DEPDC1B: variants seen among roughly 807,000 people sequenced by gnomAD.
The protein encoded by DEPDC1B is DEP domain containing 1B.
A neutral mutation model predicts 66.5 loss-of-function variants in DEPDC1B; 51 were observed. The observed-to-expected ratio is 0.77, with a 90% CI of 0.61 to 0.97. The LOEUF is 0.97. Among genes scored for constraint, DEPDC1B ranks in the 50% least tolerant of loss-of-function variants. The pLI is 0.00. For missense variants in DEPDC1B, 552 were observed against 637.1 expected (o/e 0.87, Z 1.44); for synonymous variants, 226 against 223.6 (o/e 1.01, Z -0.10).
chr5:60,608,051 G>A (rs1752346469), intron 7 of DEPDC1B, among the ~76,000 whole-genome samples: 2 of 152,176 alleles, frequency 1.3e-5, no homozygotes, highest in African/African-American at 4.8e-5. Context: ...GATCTGAATT[G>A]CTTTTTACTG....
At chr5:60,638,693 A>G in intron 7 of DEPDC1B, 57 bp downstream of exon 7, 1 of 1,517,114 alleles carries the variant, frequency 6.6e-7, no homozygotes, top group African/African-American at 1.4e-5. Context: ...AAATAGTGAA[A>G]AATGAAACGA....
chr5:60,652,623 A>G (rs1312931636), intron 2 of DEPDC1B, among the ~76,000 whole-genome samples: 1 of 148,938 alleles, frequency 6.7e-6, no homozygotes, highest in African/African-American at 2.5e-5. Context: ...TATTATTTCA[A>G]TAAGTCTTGA....
chr5:60,605,563 TG>T, intron 8 of DEPDC1B, 126 bp downstream of exon 8: 2 of 982,456 alleles, frequency 2.0e-6, no homozygotes, highest in Non-Finnish European at 2.9e-6. Context: ...CAAGTCTGGG[TG>T]GACACTGACT....
intron 8 of DEPDC1B, among the ~76,000 whole-genome samples, chr5:60,604,503 G>A (rs1752271698): frequency 6.6e-6 from 1 of 151,974 alleles, no homozygotes; most frequent in Admixed American, 6.6e-5. Flanking sequence ...TTACAGGAGT[G>A]AGCCACCACG....
intron 1 of DEPDC1B, chr5:60,689,035 A>G: frequency 2.2e-6 from 1 of 456,308 alleles, no homozygotes; most frequent in Non-Finnish European, 4.4e-6. Flanking sequence ...CCACTTCAGG[A>G]TAACAGAATC....
At chr5:60,638,669 T>G in intron 7 of DEPDC1B, 81 bp downstream of exon 7, 1 of 1,416,074 alleles carries the variant, frequency 7.1e-7, no homozygotes, top group Non-Finnish European at 9.5e-7. Flanking sequence ...GAGTTTTGGC[T>G]AATGGAAGTC....
intron 2 of DEPDC1B, among the ~76,000 whole-genome samples, chr5:60,683,150 C>G (rs139477152): frequency 3.3e-4 from 51 of 152,270 alleles, no homozygotes; most frequent in African/African-American, 1.2e-3. Flanking sequence ...CACAAATCTG[C>G]CAGGCATGGT....
In DEPDC1B at chr5:60,616,372, G is replaced by A. The variant is rs555015445; in HGVS notation, c.899-10516C>T. Among the ~76,000 whole-genome samples the A allele has an allele frequency of 7.5e-4, 114 of 152,194 alleles. No individual in the cohort carries two copies. In the South Asian group the frequency reaches 1.0e-2, roughly 13 times the overall value. The stretch of plus-strand genomic sequence containing the variant: ...GTAAAGGAGGAAGTTCGAACCCATG[G>A]CAAAGAAGTTAAAAACCTTGAAAAA... On this transcript the variant is annotated intron_variant, in intron 7 of 10. Transcript: ENST00000265036.
intron 7 of DEPDC1B, among the ~76,000 whole-genome samples, chr5:60,613,180 A>G (rs975300842): frequency 2.0e-5 from 3 of 152,222 alleles, no homozygotes; most frequent in African/African-American, 7.2e-5. Context: ...ACTATGGACA[A>G]ATAAACTGTG....
At chr5:60,633,926 G>A (rs572105936) in intron 7 of DEPDC1B, among the ~76,000 whole-genome samples, 2 of 152,154 alleles carry the variant, frequency 1.3e-5, no homozygotes, top group African/African-American at 2.4e-5. Context: ...CTTTACATTC[G>A]CAAATTATAC....
chr5:60,645,828 A>G (rs1753302677), intron 3 of DEPDC1B, among the ~76,000 whole-genome samples: 3 of 152,350 alleles, frequency 2.0e-5, no homozygotes, highest in South Asian at 2.1e-4. Flanking sequence ...AGACTAGGTC[A>G]TGTTATAAAT....
In DEPDC1B at chr5:60,599,383, TTTGA is replaced by T. The variant is rs57302626; in HGVS notation, c.1243-127_1243-124del. 3,355 of 601,140 alleles carry T rather than the reference TTTGA, an allele frequency of 5.6e-3. 109 individuals carry two copies. In the African/African-American group the frequency reaches 0.06, roughly 11 times the overall value. 37.2% of individuals were successfully genotyped at this position (601,140 alleles called of 1,614,324 possible). On this transcript the variant is annotated intron_variant, in intron 9 of 10. Coordinates refer to ENST00000265036, the MANE Select transcript of DEPDC1B (RefSeq NM_018369.3). ...AGCAATGCCATGTTAGTCCTCAAAA[TTTGA>T]TTGGGGGAAACTCTATATTGAAAAG... is the stretch of plus-strand genomic sequence containing the variant.
At chr5:60,699,721 G>A (rs1584113962) in intron 1 of DEPDC1B, among the ~76,000 whole-genome samples, 2 of 152,282 alleles carry the variant, frequency 1.3e-5, no homozygotes, top group African/African-American at 4.8e-5. Context: ...TTACCGACCG[G>A]GTCGGTTAGA....
intron 7 of DEPDC1B, among the ~76,000 whole-genome samples, chr5:60,635,213 A>T (rs997437580): frequency 6.6e-6 from 1 of 152,186 alleles, no homozygotes; most frequent in East Asian, 1.9e-4. Context: ...CAAAACAAAA[A>T]AAAATTGTTT....
At chr5:60,646,239 A>G (rs1753313038) in intron 3 of DEPDC1B, among the ~76,000 whole-genome samples, 1 of 152,170 alleles carries the variant, frequency 6.6e-6, no homozygotes, top group African/African-American at 2.4e-5. Flanking sequence ...AAAATGTGAA[A>G]AAAAGAGGCA....
chr5:60,667,940 A>T (rs1339377394), intron 2 of DEPDC1B, among the ~76,000 whole-genome samples: 5 of 122,582 alleles, frequency 4.1e-5, no homozygotes, highest in Non-Finnish European at 3.2e-5. Context: ...TATATATATA[A>T]AATGGATATT....
intron 7 of DEPDC1B, among the ~76,000 whole-genome samples, chr5:60,606,994 A>G (rs967693582): frequency 9.9e-5 from 15 of 152,208 alleles, no homozygotes; most frequent in Non-Finnish European, 1.5e-5. Context: ...ACAATATACA[A>G]GAACTGCGCT....
chr5:60,641,499 T>C (rs1753191412), intron 6 of DEPDC1B, among the ~76,000 whole-genome samples: 2 of 152,060 alleles, frequency 1.3e-5, no homozygotes, highest in Non-Finnish European at 2.9e-5. Context: ...TAATTTTTTT[T>C]GTATTTTTAG....
At chr5:60,687,994 T>C (rs1170887583) in intron 1 of DEPDC1B, among the ~76,000 whole-genome samples, 1 of 152,174 alleles carries the variant, frequency 6.6e-6, no homozygotes, top group African/African-American at 2.4e-5. Context: ...TAAATAATGA[T>C]TAAAACTAAG....
Sources: allele counts gnomAD v4.1 joint callset (sites outside exome capture counted in the v4.1 genomes callset), GRCh38; gene constraint gnomAD v4.1.1; transcripts MANE v1.5; gene names NCBI Gene and HGNC (gene_info 2026-07-23, HGNC 2026-07-21).